KCNC4: variants seen among roughly 807,000 people sequenced by gnomAD.
KCNC4 encodes the protein voltage-gated potassium channel KCNC4.
Under a neutral mutation model 42.8 loss-of-function variants are expected in KCNC4, and 23 were observed. That is an observed-to-expected ratio of 0.54 (90% CI 0.39 to 0.76). The LOEUF is 0.76. KCNC4 is among the 30% of genes least tolerant of loss of function. KCNC4 has a pLI of 0.00. For missense variants in KCNC4, 751 were observed against 898.2 expected, an observed-to-expected ratio of 0.84 and a Z score of 2.10; for synonymous variants, 422 against 393.5, an observed-to-expected ratio of 1.07 and a Z score of -0.86.
chr1:110,281,272 G>C (rs895875804), intron 1 of KCNC4, among the ~76,000 whole-genome samples: 1 of 152,044 alleles, frequency 6.6e-6, no homozygotes, highest in African/African-American at 2.4e-5. Flanking sequence ...CTGCAGACAG[G>C]ATATGGTTAA....
At chr1:110,213,197 A>AAAAAAAAAAAAT (rs869067205) in intron 1 of KCNC4, among the ~76,000 whole-genome samples, 3 of 147,238 alleles carry the variant, frequency 2.0e-5, no homozygotes, top group Non-Finnish European at 3.0e-5. Context: ...AAAAAAAAAA[A>AAAAAAAAAAAAT]TCCCTGAAGG....
chr1:110,232,784 C>T, intron 3 of KCNC4, 127 bp from the exon 4 acceptor site: 3 of 1,540,980 alleles, frequency 1.9e-6, no homozygotes, highest in Non-Finnish European at 2.6e-6. Context: ...AGCTGGCTTC[C>T]TTCTAACGTC....
chr1:110,223,668 G>A lies in KCNC4; in HGVS notation c.1383G>A (p.Val461=). 1 of 1,613,988 alleles carries A rather than the reference G, an allele frequency of 6.2e-7. No individual in the cohort carries two copies. Among genetic ancestry groups the A allele is most frequent in the Non-Finnish European group, 8.5e-7 (1 of 1,180,026 alleles). Reference sequence around the variant, plus strand: ...GGGCACTGTGTGCACTGGCTGGCGTGCTCACCATCGCCATGCCGGTGCCTG... The same window carrying A: ...GGGCACTGTGTGCACTGGCTGGCGTACTCACCATCGCCATGCCGGTGCCTG... ...LVGALCALAG[V]LTIAMPVPVI... The change falls in exon 2 of 4, where the codon GTG becomes GTA. Residue 461 remains valine, a synonymous_variant. Transcript: ENST00000438661. This position sits in a 1 kb window ranked among gnomAD's most constrained non-coding sequence, Gnocchi z 7.5.
intron 1 of KCNC4, among the ~76,000 whole-genome samples, chr1:110,259,197 T>G (rs1659386036): frequency 6.6e-6 from 1 of 152,090 alleles, no homozygotes; most frequent in African/African-American, 2.4e-5. Context: ...CCCAAGGAAA[T>G]TGTTCAGGAA....
exon 4 of KCNC4, chr1:110,242,254 C>CGGG (rs5777007): frequency 4.6e-5 from 7 of 151,890 alleles, no homozygotes; most frequent in African/African-American, 1.7e-4. Context: ...CTTGGAACAG[C>CGGG]GGGGGGGGCT....
chr1:110,220,505 C>A (rs1658041091), intron 1 of KCNC4: 1 of 134,786 alleles, frequency 7.4e-6, no homozygotes, highest in Non-Finnish European at 1.5e-5. Context: ...ACCCTCTTGG[C>A]AGCTCTTCCT....
intron 1 of KCNC4, among the ~76,000 whole-genome samples, chr1:110,260,161 G>C (rs1435514861): frequency 6.6e-6 from 1 of 152,220 alleles, no homozygotes; most frequent in African/African-American, 2.4e-5. Context: ...TCTTGGCTGA[G>C]AAGTCCCTGA....
chr1:110,267,855 C>CCAAAT (rs1354961932), intron 1 of KCNC4, among the ~76,000 whole-genome samples: 1 of 152,190 alleles, frequency 6.6e-6, no homozygotes, highest in African/African-American at 2.4e-5. Context: ...TACAGTTAAA[C>CCAAAT]TTTGAGGCCA....
chr1:110,242,943 C>T (rs2101057248), exon 4 of KCNC4: 1 of 152,362 alleles, frequency 6.6e-6, no homozygotes, highest in East Asian at 1.9e-4. Flanking sequence ...GGCCAGATTG[C>T]TAATTCTGGC....
Position 110,213,315 on chromosome 1 carries a change from A to G in KCNC4, c.678+1138A>G, listed in dbSNP as rs554580722. 5.3e-5 allele frequency among the ~76,000 whole-genome samples: 8 copies of G among 152,078 alleles called. No individual in the cohort carries two copies. In the South Asian group the frequency reaches 1.2e-3, roughly 24 times the overall value. On this transcript the variant is annotated intron_variant, in intron 1 of 3. Transcript: ENST00000438661. ...TCTGTCTGGGAGACAGGAAAGAGCA[A>G]TGTAACTTGTTGGGTCTGGGGACTG... is the stretch of plus-strand genomic sequence containing the variant.
At chr1:110,268,976 A>C (rs1271882446) in intron 1 of KCNC4, among the ~76,000 whole-genome samples, 1 of 151,892 alleles carries the variant, frequency 6.6e-6, no homozygotes, top group Non-Finnish European at 1.5e-5. Flanking sequence ...TCGGCCTCCC[A>C]AAGTACTGGG....
chr1:110,264,258 A>G (rs988403976), intron 1 of KCNC4, among the ~76,000 whole-genome samples: 1 of 152,244 alleles, frequency 6.6e-6, no homozygotes, highest in Admixed American at 6.5e-5. Flanking sequence ...GAGTCTGTGC[A>G]TTGGTTTGAC....
At chr1:110,277,622 C>T (rs1659747191) in intron 1 of KCNC4, among the ~76,000 whole-genome samples, 2 of 152,178 alleles carry the variant, frequency 1.3e-5, no homozygotes, top group Non-Finnish European at 2.9e-5. Context: ...ACCTGGTACA[C>T]GCTGTTCTAA....
At chr1:110,240,434 A>T (rs1360767763) in exon 4 of KCNC4, 1 of 152,410 alleles carries the variant, frequency 6.6e-6, no homozygotes, top group Non-Finnish European at 1.5e-5. Context: ...TCAGCTCCTC[A>T]TATTGAGCCC....
chr1:110,228,353 T>C (rs1168221724), intron 3 of KCNC4, among the ~76,000 whole-genome samples: 1 of 152,016 alleles, frequency 6.6e-6, no homozygotes, highest in East Asian at 1.9e-4. Flanking sequence ...AGGACAAAAG[T>C]CAGCTGGGTG....
Position 110,211,717 on chromosome 1 carries a change from G to T in KCNC4, c.218G>T (p.Arg73Leu), listed in dbSNP as rs1456235470. The T allele has an allele frequency of 4.4e-6, 7 of 1,607,798 alleles. No individual in the cohort carries two copies. In the East Asian group the frequency reaches 1.6e-4, roughly 36 times the overall value. Reference protein sequence around the residue: ...AWLADPDGGGRPETDGGGVGS... With the variant: ...AWLADPDGGGLPETDGGGVGS... Reference sequence around the variant, plus strand: ...CTGGCCGACCCCGACGGCGGGGGCCGGCCCGAGACCGATGGCGGCGGTGTG... The same window carrying T: ...CTGGCCGACCCCGACGGCGGGGGCCTGCCCGAGACCGATGGCGGCGGTGTG... Residue 73 changes from arginine to leucine, a missense_variant, in exon 1 of 4, where the codon CGG (arginine) becomes CTG (leucine). Physicochemically the swap from Arg to Leu is moderately radical, Grantham distance 102. This residue lies in a region of KCNC4 where 183 missense variants were observed against 255.8 expected (regional missense o/e 0.72). Transcript: ENST00000438661. This position sits in a 1 kb window ranked among gnomAD's most constrained non-coding sequence, Gnocchi z 6.5.
At chr1:110,227,027 T>C (rs912615155) in intron 3 of KCNC4, among the ~76,000 whole-genome samples, 2 of 152,220 alleles carry the variant, frequency 1.3e-5, no homozygotes, top group South Asian at 2.1e-4. Flanking sequence ...CGATCACTTA[T>C]TCGTCTCTCT....
downstream of KCNC4, among the ~76,000 whole-genome samples, chr1:110,249,295 A>C (rs1399632523): frequency 1.3e-5 from 2 of 151,880 alleles, no homozygotes; most frequent in African/African-American, 2.4e-5. Context: ...AGACAATTGC[A>C]AGAATATGTC....
chr1:110,283,870 C>T (rs866819158), downstream of KCNC4, among the ~76,000 whole-genome samples: 2 of 152,192 alleles, frequency 1.3e-5, no homozygotes, highest in African/African-American at 4.8e-5. Flanking sequence ...GTCATGCCCC[C>T]GGATCTCAGA....
Sources: allele counts gnomAD v4.1 joint callset (sites outside exome capture counted in the v4.1 genomes callset), GRCh38; gene constraint gnomAD v4.1.1; regional missense constraint gnomAD v4.1.1; non-coding constraint Gnocchi (gnomAD v3.1); transcripts MANE v1.5; gene names NCBI Gene and HGNC (gene_info 2026-07-23, HGNC 2026-07-21).